Variants in ESD observed in about 807,000 individuals in gnomAD.
The protein encoded by ESD is esterase D, also known as S-formylglutathione hydrolase.
A neutral mutation model predicts 38.1 loss-of-function variants in ESD; 34 were observed. The observed-to-expected ratio is 0.89, with a 90% CI of 0.68 to 1.19. ESD has a LOEUF of 1.19. Among genes scored for constraint, ESD ranks in the 50% most tolerant of loss-of-function variants. The pLI, the probability that ESD is intolerant of heterozygous loss-of-function variation, is 0.00. For missense variants in ESD, 334 were observed against 327.2 expected, an observed-to-expected ratio of 1.02 and a Z score of -0.16; for synonymous variants, 97 against 107.0, an observed-to-expected ratio of 0.91 and a Z score of 0.58.
At chr13:46,776,113 TA>T (rs1593403986) in intron 9 of ESD, 1 of 153,444 alleles carries the variant, frequency 6.5e-6, no homozygotes, top group African/African-American at 2.4e-5. Context: ...CGTATTACTA[TA>T]TTTATAGTCA....
chr13:46,775,324 G>T (rs1874753809), intron 9 of ESD: 1 of 159,866 alleles, frequency 6.3e-6, no homozygotes, highest in Admixed American at 6.2e-5. Flanking sequence ...AATATAAATT[G>T]TGAGCATTTA....
intron 1 of ESD, among the ~76,000 whole-genome samples, chr13:46,795,418 T>G (rs1875539150): frequency 6.6e-6 from 1 of 152,168 alleles, no homozygotes; most frequent in Admixed American, 6.5e-5. Flanking sequence ...TCTTAACCAT[T>G]CCTAAGTGTG....
upstream of ESD, chr13:46,797,270 A>T (rs545865398): frequency 6.6e-6 from 1 of 152,266 alleles, no homozygotes; most frequent in Non-Finnish European, 1.5e-5. Flanking sequence ...TTCAGTCTCC[A>T]TGGCCCCGCC....
intron 3 of ESD, among the ~76,000 whole-genome samples, chr13:46,791,142 C>G (rs1875381948): frequency 6.6e-6 from 1 of 152,132 alleles, no homozygotes; most frequent in Admixed American, 6.6e-5. Context: ...GAAGATACTT[C>G]TCTGTTAAGG....
intron 8 of ESD, among the ~76,000 whole-genome samples, chr13:46,779,384 A>T (rs1252460973): frequency 2.0e-5 from 3 of 151,668 alleles, no homozygotes; most frequent in African/African-American, 7.3e-5. Flanking sequence ...CAGGTTGAAC[A>T]TCCCTAATCC....
intron 3 of ESD, among the ~76,000 whole-genome samples, chr13:46,790,855 C>G (rs182180882): frequency 1.3e-5 from 2 of 152,196 alleles, no homozygotes; most frequent in East Asian, 3.9e-4. Flanking sequence ...TGTATTCCTG[C>G]TTCTAAAATG....
chr13:46,780,920 T>G lies in ESD; in HGVS notation c.501+576A>C, dbSNP rs1348160665. On this transcript the variant is annotated intron_variant, in intron 7 of 9. Coordinates refer to ENST00000378720, the MANE Select transcript of ESD (RefSeq NM_001984.2). ...TTTAAGATGCTAGTTGCTTTAACAC[T>G]TCCTTATTCAACTCTTGTAACATGC... Among the ~76,000 whole-genome samples the G allele has an allele frequency of 5.9e-5, 9 of 151,858 alleles. No homozygotes were observed. In the East Asian group the frequency reaches 1.5e-3, roughly 26 times the overall value.
intron 2 of ESD, among the ~76,000 whole-genome samples, 180 bp downstream of exon 2, chr13:46,793,217 A>G (rs557903125): frequency 1.3e-5 from 2 of 152,322 alleles, no homozygotes; most frequent in African/African-American, 4.8e-5. Flanking sequence ...GAAATATGAC[A>G]TAAACTAAGA....
chr13:46,774,955 C>T (rs1318147252), intron 9 of ESD, among the ~76,000 whole-genome samples: 1 of 152,134 alleles, frequency 6.6e-6, no homozygotes, highest in East Asian at 1.9e-4. Flanking sequence ...AACAGCCTCT[C>T]AATCTTCAAA....
intron 6 of ESD, 121 bp downstream of exon 6, chr13:46,782,546 T>G: frequency 9.7e-7 from 1 of 1,031,368 alleles, no homozygotes. Context: ...TAGCAAACTT[T>G]GGAATTTTTA....
At chr13:46,774,739 G>C (rs1328180450) in intron 9 of ESD, among the ~76,000 whole-genome samples, 1 of 152,180 alleles carries the variant, frequency 6.6e-6, no homozygotes, top group East Asian at 1.9e-4. Flanking sequence ...AGAAAAGCTT[G>C]GATAAGAATC....
At chr13:46,792,531 C>T (rs1011784844) in intron 2 of ESD, among the ~76,000 whole-genome samples, 1 of 151,906 alleles carries the variant, frequency 6.6e-6, no homozygotes, top group Admixed American at 6.6e-5. Context: ...GGATTTGAAC[C>T]CAGAAGTCTG....
rs760389358 is a variant in ESD at position 46,780,041 on chromosome 13, A to C, written c.502-8T>G. 1 of 1,562,938 alleles carries C rather than the reference A, an allele frequency of 6.4e-7. No homozygotes were observed. The stretch of plus-strand genomic sequence containing the variant: ...AGCAAATGCTGACACAGACTTCAGA[A>C]ACAAAAGAAATTTAAAAACAAGTTA... On this transcript the variant is annotated splice_region_variant and splice_polypyrimidine_tract_variant and intron_variant, in intron 7 of 9. Transcript: ENST00000378720.
intron 9 of ESD, chr13:46,775,991 A>G (rs1874785490): frequency 4.4e-6 from 1 of 229,194 alleles, no homozygotes; most frequent in South Asian, 5.8e-5. Context: ...TTTTGGGCCC[A>G]GTCTTTGGGG....
In ESD at chr13:46,796,772, C is replaced by T. The variant is rs138160583; in HGVS notation, c.-56+333G>A. On this transcript the variant is annotated intron_variant, in intron 1 of 9. Transcript: ENST00000378720. Reference sequence around the variant, plus strand: ...CGTACACATCTACTTCACATTTTCGCGCGGTGGCTGCGGGTCTAGGAAAGT... The same window carrying T: ...CGTACACATCTACTTCACATTTTCGTGCGGTGGCTGCGGGTCTAGGAAAGT... 3.1e-3 allele frequency among the ~76,000 whole-genome samples: 479 copies of T among 152,330 alleles called. 3 individuals carry two copies. The highest frequency in any genetic ancestry group is 0.01 in the African/African-American group (422 of 41,572).
chr13:46,775,473 C>A, intron 9 of ESD: 1 of 282,522 alleles, frequency 3.5e-6, no homozygotes, highest in South Asian at 3.5e-5. Flanking sequence ...GCTTCTATCC[C>A]ACAAGGAAAT....
chr13:46,794,391 G>A (rs1875505870), intron 1 of ESD, among the ~76,000 whole-genome samples: 1 of 152,108 alleles, frequency 6.6e-6, no homozygotes, highest in Non-Finnish European at 1.5e-5. Context: ...TTGTAGTACA[G>A]TTGCATAATC....
At chr13:46,771,737 A>G (rs1178526166) in intron 9 of ESD, among the ~76,000 whole-genome samples, 1 of 152,192 alleles carries the variant, frequency 6.6e-6, no homozygotes, top group Non-Finnish European at 1.5e-5. Context: ...GCTTCTAAAC[A>G]TAGCCTAACT....
rs368378364 is a variant in ESD at position 46,787,112 on chromosome 13, A to G, written c.69-3T>C. 4 of 1,531,750 alleles carry G rather than the reference A, an allele frequency of 2.6e-6. No individual in the cohort carries two copies. In the African/African-American group the frequency reaches 5.5e-5, roughly 21 times the overall value. The allele number at this position is 1,531,750 out of a possible 1,614,324, so 94.9% of individuals were successfully genotyped here. ...TCATTTTGCAGTTTAGTTCAACACT[A>G]GTTTTAACAAAAACAACAACAAAAT... On this transcript the variant is annotated splice_polypyrimidine_tract_variant and splice_region_variant and intron_variant, in intron 3 of 9. Transcript: ENST00000378720.
Sources: allele counts gnomAD v4.1 joint callset (sites outside exome capture counted in the v4.1 genomes callset), GRCh38; gene constraint gnomAD v4.1.1; transcripts MANE v1.5; gene names NCBI Gene and HGNC (gene_info 2026-07-23, HGNC 2026-07-21).